The following B4GALT7 variants were observed in gnomAD, a reference collection of about 807,000 sequenced individuals.
B4GALT7 encodes the protein beta-1,4-galactosyltransferase 7, also known as UDP-Gal:beta-GlcNAc beta-1,4-galactosyltransferase 7.
B4GALT7 carries 30 observed loss-of-function variants against 33.0 expected under a neutral mutation model. That is an observed-to-expected ratio of 0.91 (90% confidence interval 0.68 to 1.23). B4GALT7 has a LOEUF of 1.23. Ranked by LOEUF, B4GALT7 falls within the 50% of genes most tolerant of loss-of-function variation. The pLI, the probability that B4GALT7 is intolerant of heterozygous loss-of-function variation, is 0.00. For missense variants in B4GALT7, 507 were observed against 450.8 expected, an observed-to-expected ratio of 1.12 and a Z score of -1.13; for synonymous variants, 213 against 187.2, an observed-to-expected ratio of 1.14 and a Z score of -1.13.
chr5:177,602,280 C>T (rs566066441), intron 1 of B4GALT7, among the ~76,000 whole-genome samples: 240 of 152,234 alleles, frequency 1.6e-3, no homozygotes, highest in Non-Finnish European at 2.9e-3. Context: ...CTACTGGCTT[C>T]CAGGTTGGCG....
chr5:177,608,500 G>C lies in B4GALT7; in HGVS notation c.640-39G>C. 1 of 1,548,624 alleles carries C rather than the reference G, an allele frequency of 6.5e-7. No individual in the cohort carries two copies. The highest frequency in any genetic ancestry group is 8.9e-7 in the Non-Finnish European group (1 of 1,127,788). On this transcript the variant is annotated intron_variant, in intron 3 of 5. Coordinates refer to ENST00000029410, the MANE Select transcript of B4GALT7 (RefSeq NM_007255.3). This position sits in a 1 kb window ranked among gnomAD's most constrained non-coding sequence, Gnocchi z 4.1. ...AGGAGACCAAAGGCCCCCCCCCCCG[G>C]GAAGATGGGCCGAGTGACGCTGCTT... is the stretch of plus-strand genomic sequence containing the variant.
chr5:177,603,187 T>A, intron 1 of B4GALT7: 1 of 985,278 alleles, frequency 1.0e-6, no homozygotes, highest in Non-Finnish European at 1.2e-6. Context: ...GGCCAGGAGA[T>A]AGAATTTATA....
In B4GALT7 at chr5:177,600,334, G is replaced by A. The variant is rs1767811972; in HGVS notation, c.50+74G>A. ...CTTCTCGGCCGCCGGCGGAATCTGG[G>A]AACCCGAGGCCATCACGTCTCCATG... On this transcript the variant is annotated intron_variant, in intron 1 of 5. Transcript: ENST00000029410. The surrounding 1 kb of genome is among the most constrained non-coding windows in gnomAD (Gnocchi z 4.4). 2 of 1,186,850 alleles carry A rather than the reference G, an allele frequency of 1.7e-6. No homozygotes were observed. The highest frequency in any genetic ancestry group is 3.2e-5 in the African/African-American group (2 of 62,962). The allele number at this position is 1,186,850 out of a possible 1,614,324, so 73.5% of individuals were successfully genotyped here.
rs549224727 is a variant in B4GALT7, at chr5:177,604,370, C to G, written c.242C>G (p.Pro81Arg). The part of the protein sequence containing the change: ...PPRACPPEPP[P>R]EHWEEDASWG... ...CGTGCCTGCCCCCCAGAGCCGCCCCCTGAGCACTGGGAAGAAGACGCATCC... is the reference window on the plus strand; with the variant it reads ...CGTGCCTGCCCCCCAGAGCCGCCCCGTGAGCACTGGGAAGAAGACGCATCC... The change falls in exon 2 of 6, where the codon CCT becomes CGT. Residue 81 changes from proline (P) to arginine (R), a missense_variant. By Grantham distance (103) the Pro-to-Arg change is moderately radical. Transcript: ENST00000029410. 1.9e-6 allele frequency: 3 copies of G among 1,613,196 alleles called. No individual in the cohort carries two copies. Among genetic ancestry groups the G allele is most frequent in the Non-Finnish European group, 2.5e-6 (3 of 1,179,524 alleles).
Position 177,609,771 on chromosome 5 carries a change from C to T in B4GALT7, c.*76C>T. ...TCAGGACAAGGCCTCAGGTCGTGGG[C>T]CCAGCTCTGACAGGATGTGGAGTGG... On this transcript the variant is annotated 3_prime_UTR_variant, in exon 6 of 6. Coordinates refer to ENST00000029410, the MANE Select transcript of B4GALT7 (RefSeq NM_007255.3). 1 of 1,532,200 alleles carries T rather than the reference C, an allele frequency of 6.5e-7. No individual in the cohort carries two copies. Among genetic ancestry groups the T allele is most frequent in the East Asian group, 2.4e-5 (1 of 40,832 alleles). 94.9% of individuals were successfully genotyped at this position (1,532,200 alleles called of 1,614,324 possible). A position where few individuals can be genotyped will look rare whatever the true frequency, so the allele number is the denominator to read the frequency against.
chr5:177,608,820 G>T lies in B4GALT7; in HGVS notation c.724-90G>T. ...TCCTCTCCTGCAGGCTGGGAGTGCA[G>T]GTCCCTTCCTGTGGGACCTCGGGAG... On this transcript the variant is annotated intron_variant, in intron 4 of 5. Transcript: ENST00000029410. The surrounding 1 kb of genome is among the most constrained non-coding windows in gnomAD (Gnocchi z 4.1). 18 of 1,259,044 alleles carry T rather than the reference G, an allele frequency of 1.4e-5. No homozygotes were observed. The highest frequency in any genetic ancestry group is 1.9e-5 in the Non-Finnish European group (16 of 864,672). The allele number at this position is 1,259,044 out of a possible 1,614,324, so 78.0% of individuals were successfully genotyped here.
chr5:177,607,183 G>A lies in B4GALT7; in HGVS notation c.414-119G>A. The A allele has an allele frequency of 2.4e-6, 2 of 823,850 alleles. 1 individual carries two copies. Among genetic ancestry groups the A allele is most frequent in the South Asian group, 2.9e-5 (2 of 69,168 alleles). 51.0% of individuals were successfully genotyped at this position (823,850 alleles called of 1,614,324 possible). A position where few individuals can be genotyped will look rare whatever the true frequency, so the allele number is the denominator to read the frequency against. Reference sequence around the variant, plus strand: ...GTGGAGGGACTGCCCCACAGGCTGAGTGAAGTCAGTGCTGGGCCAGAGGGC... The same window carrying A: ...GTGGAGGGACTGCCCCACAGGCTGAATGAAGTCAGTGCTGGGCCAGAGGGC... On this transcript the variant is annotated intron_variant, in intron 2 of 5. Transcript: ENST00000029410.
chr5:177,604,670 C>A, intron 2 of B4GALT7, 129 bp downstream of exon 2: 3 of 1,254,696 alleles, frequency 2.4e-6, no homozygotes, highest in Non-Finnish European at 3.4e-6. Context: ...CTGGGTGTGA[C>A]AGGAACCTTT....
At chr5:177,601,035 GTCT>G (rs1767830844) in intron 1 of B4GALT7, among the ~76,000 whole-genome samples, 1 of 152,196 alleles carries the variant, frequency 6.6e-6, no homozygotes, top group South Asian at 2.1e-4. Context: ...GTCCCTGTAA[GTCT>G]TCTCACAGAA....
At chr5:177,601,826 G>A (rs1268173441) in intron 1 of B4GALT7, among the ~76,000 whole-genome samples, 3 of 152,140 alleles carry the variant, frequency 2.0e-5, no homozygotes, top group East Asian at 1.9e-4. Flanking sequence ...AATTGTTCTC[G>A]GTGTCCACTG....
rs775361554 is a variant in B4GALT7, at chr5:177,608,904, C to G, written c.724-6C>G. 1.2e-6 allele frequency: 2 copies of G among 1,612,916 alleles called. No individual in the cohort carries two copies. Among genetic ancestry groups the G allele is most frequent in the Admixed American group, 1.7e-5 (1 of 60,028 alleles). On this transcript the variant is annotated splice_region_variant and splice_polypyrimidine_tract_variant and intron_variant, in intron 4 of 5. Coordinates refer to ENST00000029410, the MANE Select transcript of B4GALT7 (RefSeq NM_007255.3). The surrounding 1 kb of genome is among the most constrained non-coding windows in gnomAD (Gnocchi z 4.1). ...GCCTGACCCCGACTTCCTTGGACCT[C>G]CCTAGCTTTTCCGCCCCTCGGGAAT...
rs115590762 is a variant in B4GALT7, at chr5:177,606,434, C to G, written c.414-868C>G. 0.019 allele frequency: 2,912 copies of G among 153,050 alleles called. 61 individuals carry two copies. The highest frequency in any genetic ancestry group is 0.05 in the African/African-American group (2,092 of 41,560). The allele number at this position is 153,050 out of a possible 1,614,324, so 9.5% of individuals were successfully genotyped here. On this transcript the variant is annotated intron_variant, in intron 2 of 5. Transcript: ENST00000029410. This position sits in a 1 kb window ranked among gnomAD's most constrained non-coding sequence, Gnocchi z 4.2. ...TCATCCTCAGCTGCTCCTTCTCTGT[C>G]ATACACTGCGTCCTATTCGTCAGCA...
intron 5 of B4GALT7, 32 bp from the exon 6 acceptor site, chr5:177,609,508 G>T (rs1435649400): frequency 2.5e-6 from 4 of 1,612,016 alleles, no homozygotes; most frequent in South Asian, 2.2e-5. Flanking sequence ...ATGCAGCCCT[G>T]AGTCCGTGCT....
At chr5:177,604,637 C>T in intron 2 of B4GALT7, 96 bp downstream of exon 2, 2 of 1,524,292 alleles carry the variant, frequency 1.3e-6, no homozygotes, top group South Asian at 1.1e-5. Flanking sequence ...GGCAGGAGGG[C>T]GGGAGGTGGC....
In B4GALT7 at chr5:177,601,225, C is replaced by T. The variant is rs111756521; in HGVS notation, c.50+965C>T. On this transcript the variant is annotated intron_variant, in intron 1 of 5. Transcript: ENST00000029410. The stretch of plus-strand genomic sequence containing the variant: ...ATAATAGAAAGCGTGGACTAGCGTT[C>T]GACCTGGGCAGGAGTCCTCCGTAAT... 4.6e-5 allele frequency among the ~76,000 whole-genome samples: 7 copies of T among 152,290 alleles called. No individual in the cohort carries two copies. In the East Asian group the frequency reaches 1.2e-3, roughly 25 times the overall value.
Position 177,604,390 on chromosome 5 carries a change from G to A in B4GALT7, c.262G>A (p.Ala88Thr). The change falls in exon 2 of 6, where the codon GCA becomes ACA. Residue 88 changes from alanine to threonine, a missense_variant. Physicochemically the swap from Ala to Thr is moderately conservative, Grantham distance 58 (BLOSUM62 0). Transcript: ENST00000029410. ...GCCCCCTGAGCACTGGGAAGAAGAC[G>A]CATCCTGGGGCCCCCACCGCCTGGC... ...EPPPEHWEEDASWGPHRLAVL... is the reference protein window; with the variant it reads ...EPPPEHWEEDTSWGPHRLAVL... 6.2e-7 allele frequency: 1 copy of A among 1,613,596 alleles called. No homozygotes were observed. Among genetic ancestry groups the A allele is most frequent in the Non-Finnish European group, 8.5e-7 (1 of 1,179,790 alleles).
At chr5:177,605,469 T>C (rs146127155) in intron 2 of B4GALT7, among the ~76,000 whole-genome samples, 211 of 152,380 alleles carry the variant, frequency 1.4e-3, no homozygotes, top group African/African-American at 4.8e-3. Flanking sequence ...CATTCATCCC[T>C]CGTCCTCACT....
rs542850594 is a variant in B4GALT7, at chr5:177,607,375, G to A, written c.487G>A (p.Asp163Asn). 7 of 1,613,978 alleles carry A rather than the reference G, an allele frequency of 4.3e-6. No individual in the cohort carries two copies. Among genetic ancestry groups the A allele is most frequent in the Admixed American group, 1.7e-5 (1 of 60,008 alleles). ...CAGCACGGACTACATTGCCATGCACGACGTTGACCTGCTCCCTCTCAACGA... is the reference window on the plus strand; with the variant it reads ...CAGCACGGACTACATTGCCATGCACAACGTTGACCTGCTCCCTCTCAACGA... Reference protein sequence around the residue: ...SNSTDYIAMHDVDLLPLNEEL... With the variant: ...SNSTDYIAMHNVDLLPLNEEL... The change falls in exon 3 of 6, where the codon GAC becomes AAC. Residue 163 changes from aspartate (D) to asparagine (N), a missense_variant. Asp to Asn is a conservative substitution (Grantham distance 23). Transcript: ENST00000029410.
At chr5:177,605,342 G>A (rs1344906168) in intron 2 of B4GALT7, 13 of 276,650 alleles carry the variant, frequency 4.7e-5, no homozygotes, top group South Asian at 6.9e-5. Flanking sequence ...CACGTGAGGC[G>A]GCCATGCTGC....
Sources: gnomAD v4.1 joint callset for allele counts (sites outside exome capture counted in the v4.1 genomes callset) on GRCh38, gnomAD v4.1.1 for gene constraint, Gnocchi (gnomAD v3.1) non-coding constraint, MANE v1.5 for transcripts, NCBI Gene and HGNC (gene_info 2026-07-23, HGNC 2026-07-21) for gene names.